SPTBN4: variants seen among roughly 807,000 people sequenced by gnomAD.
SPTBN4 encodes spectrin beta, non-erythrocytic 4, also known as spectrin beta chain, non-erythrocytic 4.
Under a neutral mutation model 277.8 loss-of-function variants are expected in SPTBN4, and 96 were observed. That is an observed-to-expected ratio of 0.35 (90% CI 0.29 to 0.41). The LOEUF (loss-of-function observed/expected upper bound fraction) is 0.41. Ranked by LOEUF, SPTBN4 falls within the 10% of genes least tolerant of loss-of-function variation. The probability of loss-of-function intolerance (pLI) is 1.00; values close to 1 mark genes in which losing one functional copy is unlikely to be tolerated. For synonymous variants in SPTBN4, 1,481 were observed against 1,580.3 expected (o/e 0.94, Z 1.49); for missense variants, 3,006 against 3,595.7 (o/e 0.84, Z 4.19).
chr19:40,512,956 G>A lies in SPTBN4; in HGVS notation c.2167G>A (p.Glu723Lys). ...GCTGCAGCAGGCCCTGCGGTGTGGC[G>A]AGGAGCTGGTTGCGGCCGGCGGTGC... ...ALLQQALRCG[E>K]ELVAAGGAVG... Residue 723 changes from glutamate (E) to lysine (K), a missense_variant, in exon 14 of 36, where the codon GAG (glutamate) becomes AAG (lysine). This residue lies in a region of SPTBN4 where 1,759 missense variants were observed against 2,061.5 expected (regional missense o/e 0.85). Transcript: ENST00000598249. 1.4e-6 allele frequency: 2 copies of A among 1,414,820 alleles called. No homozygotes were observed. Among genetic ancestry groups the A allele is most frequent in the Non-Finnish European group, 1.8e-6 (2 of 1,094,532 alleles). 87.6% of individuals were successfully genotyped at this position (1,414,820 alleles called of 1,614,324 possible).
Position 40,467,130 on chromosome 19 carries a change from G to A in SPTBN4, c.-191G>A, listed in dbSNP as rs1403358853. The A allele has an allele frequency of 1.3e-5, 2 of 148,834 alleles. No individual in the cohort carries two copies. Among genetic ancestry groups the A allele is most frequent in the Non-Finnish European group, 3.0e-5 (2 of 66,438 alleles). The allele number at this position is 148,834 out of a possible 1,614,324, so 9.2% of individuals were successfully genotyped here. ...CCGGGGGCGCGCTGAGCGCGGCGGC[G>A]GCGCGAGAGAGGGAGGCGCGGCGGC... On this transcript the variant is annotated 5_prime_UTR_variant, in exon 1 of 36. Transcript: ENST00000598249.
rs1191417974 is a variant in SPTBN4, at chr19:40,512,616, C to G, written c.1827C>G (p.Pro609=). Residue 609 remains proline (P), a synonymous_variant, in exon 14 of 36, where the codon CCC becomes CCG. Transcript: ENST00000598249. ...CTTCTCCTGGCTCAGGCTACCAGCC[C>G]TGCGACCCGCAGGTCATCTGCAACC... ...LRFSQLQGYQ[P]CDPQVICNRV... 6.5e-7 allele frequency: 1 copy of G among 1,537,464 alleles called. No individual in the cohort carries two copies. Among genetic ancestry groups the G allele is most frequent in the Non-Finnish European group, 8.7e-7 (1 of 1,149,818 alleles).
rs1275197597 is a variant in SPTBN4 at position 40,515,989 on chromosome 19, A to G, written c.2903+541A>G. Among the ~76,000 whole-genome samples, 3 of 148,922 alleles carry G rather than the reference A, an allele frequency of 2.0e-5. No homozygotes were observed. Among genetic ancestry groups the G allele is most frequent in the African/African-American group, 4.9e-5 (2 of 40,696 alleles). The stretch of plus-strand genomic sequence containing the variant: ...TATATATACACATATATACGTATAT[A>G]TACACATATATACGTATATATACAC... On this transcript the variant is annotated intron_variant, in intron 15 of 35. Coordinates refer to ENST00000598249, the MANE Select transcript of SPTBN4 (RefSeq NM_020971.3). This position sits in a 1 kb window ranked among gnomAD's most constrained non-coding sequence, Gnocchi z 4.1.
At chr19:40,483,376 A>C (rs2080034173) in intron 2 of SPTBN4, among the ~76,000 whole-genome samples, 1 of 152,072 alleles carries the variant, frequency 6.6e-6, no homozygotes, top group Non-Finnish European at 1.5e-5. Flanking sequence ...TCTGCAACAC[A>C]AAAGTATCTA....
intron 14 of SPTBN4, 97 bp downstream of exon 14, chr19:40,513,651 T>G: frequency 7.9e-7 from 1 of 1,271,452 alleles, no homozygotes; most frequent in Non-Finnish European, 1.1e-6. Context: ...CAGCTGGAAC[T>G]AGGAGTTCCA....
intron 25 of SPTBN4, 101 bp from the exon 26 acceptor site, chr19:40,556,922 T>C (rs1319330660): frequency 7.0e-7 from 1 of 1,435,734 alleles, no homozygotes; most frequent in Non-Finnish European, 9.3e-7. Context: ...AGCAAGACTC[T>C]GTATCAAAAA....
chr19:40,558,670 C>G (rs1163051088), intron 26 of SPTBN4, among the ~76,000 whole-genome samples: 1 of 143,272 alleles, frequency 7.0e-6, no homozygotes, highest in African/African-American at 2.6e-5. Context: ...TGCAGTGGCG[C>G]GATCTCAGCT....
At chr19:40,510,892 C>T (rs2080383179) in intron 13 of SPTBN4, among the ~76,000 whole-genome samples, 1 of 152,028 alleles carries the variant, frequency 6.6e-6, no homozygotes, top group African/African-American at 2.4e-5. Flanking sequence ...TGTTGTGGGC[C>T]CATAGTCCCA....
At chr19:40,572,872 T>A (rs1283386692) in intron 35 of SPTBN4, among the ~76,000 whole-genome samples, 2 of 152,058 alleles carry the variant, frequency 1.3e-5, no homozygotes, top group Non-Finnish European at 2.9e-5. Context: ...GGCAGGAGAA[T>A]CGTTTGAACC....
In SPTBN4 at chr19:40,472,617, C is replaced by T. The variant is rs113415737; in HGVS notation, c.-5C>T. ...TCTCCCTATGTCCAGGCCTCACCTT[C>T]CCCGATGGCGCAGGTACCAGGGGAA... On this transcript the variant is annotated 5_prime_UTR_variant, in exon 2 of 36. Transcript: ENST00000598249. 8.1e-5 allele frequency: 130 copies of T among 1,609,954 alleles called. 1 individual carries two copies. In the African/African-American group the frequency reaches 1.5e-3, roughly 19 times the overall value.
At chr19:40,528,674 C>T (rs2080624017) in intron 17 of SPTBN4, among the ~76,000 whole-genome samples, 1 of 151,950 alleles carries the variant, frequency 6.6e-6, no homozygotes, top group Non-Finnish European at 1.5e-5. Flanking sequence ...CTCTCTCTCG[C>T]TCTCTTTCTG....
In SPTBN4 at chr19:40,519,333, G is replaced by T. The variant is rs1163506980; in HGVS notation, c.2904-68G>T. The T allele has an allele frequency of 7.1e-7, 1 of 1,410,538 alleles. No homozygotes were observed. Among genetic ancestry groups the T allele is most frequent in the African/African-American group, 1.5e-5 (1 of 67,492 alleles). 87.4% of individuals were successfully genotyped at this position (1,410,538 alleles called of 1,614,324 possible). On this transcript the variant is annotated intron_variant, in intron 15 of 35. Transcript: ENST00000598249. This position sits in a 1 kb window ranked among gnomAD's most constrained non-coding sequence, Gnocchi z 5.7. The stretch of plus-strand genomic sequence containing the variant: ...GGCTTGGGCCTGGATTCTACCCTGG[G>T]TCGGCGGGCCCTCCGCGCCCAAGAG...
At chr19:40,497,297 A>G in intron 6 of SPTBN4, 192 bp from the exon 7 acceptor site, 1 of 588,268 alleles carries the variant, frequency 1.7e-6, no homozygotes, top group Non-Finnish European at 3.1e-6. Context: ...GGGAACGCAC[A>G]GAGACATGCC....
chr19:40,562,949 C>T (rs952811679), intron 27 of SPTBN4, among the ~76,000 whole-genome samples: 6 of 152,202 alleles, frequency 3.9e-5, no homozygotes, highest in African/African-American at 7.2e-5. Context: ...AGGTGGCTCA[C>T]GCCTGTAATC....
intron 20 of SPTBN4, among the ~76,000 whole-genome samples, chr19:40,535,105 G>C (rs979612132): frequency 6.6e-6 from 1 of 152,138 alleles, no homozygotes; most frequent in Non-Finnish European, 1.5e-5. Flanking sequence ...GCCCAAGCTG[G>C]AGTACAGTGG....
At chr19:40,526,054 C>T (rs922283965) in intron 17 of SPTBN4, among the ~76,000 whole-genome samples, 4 of 152,104 alleles carry the variant, frequency 2.6e-5, no homozygotes, top group Non-Finnish European at 5.9e-5. Flanking sequence ...GGCCCTGGGG[C>T]CCTGGGGGTC....
At chr19:40,518,901 C>A (rs1229768929) in intron 15 of SPTBN4, among the ~76,000 whole-genome samples, 1 of 152,094 alleles carries the variant, frequency 6.6e-6, no homozygotes, top group South Asian at 2.1e-4. Context: ...AGTGAGATCT[C>A]ACGTCTTAAA....
At chr19:40,480,810 C>G (rs2080002451) in intron 2 of SPTBN4, among the ~76,000 whole-genome samples, 1 of 152,118 alleles carries the variant, frequency 6.6e-6, no homozygotes, top group Non-Finnish European at 1.5e-5. Flanking sequence ...TGCCTGTAAT[C>G]CCAGCACTTT....
At chr19:40,522,860 G>A (rs1262133408) in intron 16 of SPTBN4, among the ~76,000 whole-genome samples, 2 of 152,056 alleles carry the variant, frequency 1.3e-5, no homozygotes, top group African/African-American at 4.8e-5. Flanking sequence ...GGCTGGGTGT[G>A]GTGGCTCACG....
Sources: allele counts gnomAD v4.1 joint callset (sites outside exome capture counted in the v4.1 genomes callset), GRCh38; gene constraint gnomAD v4.1.1; regional missense constraint gnomAD v4.1.1; non-coding constraint Gnocchi (gnomAD v3.1); transcripts MANE v1.5; gene names NCBI Gene and HGNC (gene_info 2026-07-23, HGNC 2026-07-21).